The following ACSM3 variants were observed in gnomAD, a reference collection of about 807,000 sequenced individuals.
The protein encoded by ACSM3 is acyl-CoA synthetase medium chain family member 3, also known as acyl-coenzyme A synthetase ACSM3, mitochondrial.
ACSM3 carries 61 observed loss-of-function variants against 74.1 expected under a neutral mutation model. That is an observed-to-expected ratio of 0.82 (90% CI 0.67 to 1.02). The LOEUF is 1.02. Among genes scored for constraint, ACSM3 ranks in the 50% least tolerant of loss-of-function variants. The pLI is 0.00. For synonymous variants in ACSM3, 213 were observed against 241.5 expected, an observed-to-expected ratio of 0.88 and a Z score of 1.09; for missense variants, 660 against 697.0, an observed-to-expected ratio of 0.95 and a Z score of 0.60.
intron 1 of ACSM3, among the ~76,000 whole-genome samples, chr16:20,707,399 A>C (rs556929261): frequency 5.5e-4 from 84 of 152,300 alleles, no homozygotes; most frequent in African/African-American, 1.9e-3. Context: ...CTGCCTGCCC[A>C]AGGTCTCACC....
intron 1 of ACSM3, chr16:20,736,799 T>A (rs1042844884): frequency 7.0e-7 from 1 of 1,421,852 alleles, no homozygotes; most frequent in African/African-American, 1.4e-5. Context: ...AAACTGTTTT[T>A]AGTCACAATT....
intron 1 of ACSM3, chr16:20,680,834 T>A (rs2079429752): frequency 6.6e-6 from 1 of 152,214 alleles, no homozygotes; most frequent in Non-Finnish European, 1.5e-5. Flanking sequence ...CTATATTGGA[T>A]CTGTGGAGCA....
At chr16:20,681,803 AAGAG>A (rs1197998459) in intron 1 of ACSM3, 1 of 155,738 alleles carries the variant, frequency 6.4e-6, no homozygotes, top group Admixed American at 6.2e-5. Flanking sequence ...CCTCCTGAGG[AAGAG>A]AAAGAGGTGG....
chr16:20,777,490 C>T lies in ACSM3; in HGVS notation c.548C>T (p.Ala183Val), dbSNP rs1398725002. 2.5e-6 allele frequency: 4 copies of T among 1,613,942 alleles called. No individual in the cohort carries two copies. Among genetic ancestry groups the T allele is most frequent in the Non-Finnish European group, 3.4e-6 (4 of 1,180,004 alleles). The change falls in exon 4 of 14, where the codon GCT becomes GTT. Residue 183 changes from alanine to valine, a missense_variant. By Grantham distance (64) the Ala-to-Val change is moderately conservative (BLOSUM62 0). Coordinates refer to ENST00000289416, the MANE Select transcript of ACSM3 (RefSeq NM_005622.4). ...GATGTTTTAGCCCCAGCAGTAGACGCTGTTGCATCCAAATGTGAAAATCTG... is the reference window on the plus strand; with the variant it reads ...GATGTTTTAGCCCCAGCAGTAGACGTTGTTGCATCCAAATGTGAAAATCTG... The part of the protein sequence containing the change: ...TNDVLAPAVD[A>V]VASKCENLHS...
At chr16:20,778,843 C>T (rs1239272115) in intron 4 of ACSM3, among the ~76,000 whole-genome samples, 5 of 152,088 alleles carry the variant, frequency 3.3e-5, no homozygotes, top group African/African-American at 4.8e-5. Flanking sequence ...CTCCACCTCC[C>T]GAGTTCAAGC....
rs767002375 is a variant in ACSM3, at chr16:20,790,938, A to C, written c.1326+250A>C. The C allele has an allele frequency of 6.2e-7, 1 of 1,613,696 alleles. No individual in the cohort carries two copies. Among genetic ancestry groups the C allele is most frequent in the Non-Finnish European group, 8.5e-7 (1 of 1,179,810 alleles). Reference sequence around the variant, plus strand: ...GAAGGCAAGAGGAAGGGACCCTAGAAAGAGGACAGCCTCTTAACATCCCCT... The same window carrying C: ...GAAGGCAAGAGGAAGGGACCCTAGACAGAGGACAGCCTCTTAACATCCCCT... On this transcript the variant is annotated intron_variant, in intron 10 of 13. Transcript: ENST00000289416. This position sits in a 1 kb window ranked among gnomAD's most constrained non-coding sequence, Gnocchi z 4.0.
chr16:20,787,613 A>G (rs2080502527), intron 9 of ACSM3, among the ~76,000 whole-genome samples: 1 of 152,202 alleles, frequency 6.6e-6, no homozygotes, highest in African/African-American at 2.4e-5. Flanking sequence ...AATAAGTTTG[A>G]GAGAGTTTAG....
chr16:20,711,426 C>A, intron 1 of ACSM3: 1 of 808,844 alleles, frequency 1.2e-6, no homozygotes, highest in Non-Finnish European at 1.9e-6. Flanking sequence ...CCACCGTCCA[C>A]AGAGTCTCAC....
intron 1 of ACSM3, chr16:20,737,604 C>A: frequency 8.5e-7 from 1 of 1,173,082 alleles, no homozygotes; most frequent in Non-Finnish European, 1.2e-6. Flanking sequence ...TATATTTGTT[C>A]TACACTCAAA....
At chr16:20,691,793 G>C (rs988361997) in intron 1 of ACSM3, among the ~76,000 whole-genome samples, 30 of 96,762 alleles carry the variant, frequency 3.1e-4, no homozygotes, top group African/African-American at 8.7e-4. Flanking sequence ...GTGTGTGTGT[G>C]TGTGTGTGTG....
chr16:20,781,142 C>A lies in ACSM3; in HGVS notation c.939+12C>A, dbSNP rs1357548200. On this transcript the variant is annotated intron_variant, in intron 6 of 13. Transcript: ENST00000289416. Reference sequence around the variant, plus strand: ...CTTCTATCTTGCAAGTAAGCCAAAGCACAAAGAGGTCAATATTTAGAAATG... The same window carrying A: ...CTTCTATCTTGCAAGTAAGCCAAAGAACAAAGAGGTCAATATTTAGAAATG... 6.2e-7 allele frequency: 1 copy of A among 1,613,146 alleles called. No homozygotes were observed. Among genetic ancestry groups the A allele is most frequent in the African/African-American group, 1.3e-5 (1 of 74,854 alleles).
intron 1 of ACSM3, among the ~76,000 whole-genome samples, chr16:20,698,414 G>A (rs1596480706): frequency 6.6e-6 from 1 of 152,026 alleles, no homozygotes; most frequent in African/African-American, 2.4e-5. Context: ...TGGAGGTCTG[G>A]AGGCAGAAAG....
intron 1 of ACSM3, chr16:20,736,378 T>TA (rs33947944): frequency 0.46 from 60,009 of 129,104 alleles, 15,013 homozygotes; most frequent in Non-Finnish European, 0.58. Flanking sequence ...ACACAAATGT[T>TA]AAAAAAAAAA....
At chr16:20,732,411 G>C (rs2079836248) in intron 1 of ACSM3, among the ~76,000 whole-genome samples, 3 of 152,106 alleles carry the variant, frequency 2.0e-5, no homozygotes, top group Non-Finnish European at 4.4e-5. Flanking sequence ...GGCTATTTGA[G>C]GACATTTTAA....
At chr16:20,786,872 A>C (rs1412955607) in intron 9 of ACSM3, among the ~76,000 whole-genome samples, 1 of 152,194 alleles carries the variant, frequency 6.6e-6, no homozygotes, top group East Asian at 1.9e-4. Context: ...TCTTAACCAC[A>C]ACACAACACT....
intron 1 of ACSM3, chr16:20,741,724 G>A (rs895800570): frequency 1.9e-6 from 3 of 1,574,132 alleles, no homozygotes; most frequent in African/African-American, 1.3e-5. Context: ...GTAGTCTGCT[G>A]GGCAGGGGCC....
intron 10 of ACSM3, 94 bp from the exon 11 acceptor site, chr16:20,791,908 A>G: frequency 2.1e-6 from 3 of 1,460,756 alleles, no homozygotes; most frequent in Non-Finnish European, 2.8e-6. Context: ...AGCCTGGGTA[A>G]CAGAGTGAGA....
At chr16:20,789,990 G>A (rs568466690) in intron 9 of ACSM3, among the ~76,000 whole-genome samples, 6 of 151,722 alleles carry the variant, frequency 4.0e-5, no homozygotes, top group Admixed American at 3.3e-4. Context: ...CCTATTTTTC[G>A]ATTTATCTAT....
chr16:20,722,365 CAT>C (rs778480705), intron 1 of ACSM3: 5 of 152,068 alleles, frequency 3.3e-5, no homozygotes, highest in Non-Finnish European at 7.4e-5. Flanking sequence ...TTGAGAAAGC[CAT>C]GTTATTAAAC....
Sources: gnomAD v4.1 joint callset for allele counts (sites outside exome capture counted in the v4.1 genomes callset) on GRCh38, gnomAD v4.1.1 for gene constraint, Gnocchi (gnomAD v3.1) non-coding constraint, MANE v1.5 for transcripts, NCBI Gene and HGNC (gene_info 2026-07-23, HGNC 2026-07-21) for gene names.